Variants in RBFOX1 observed in about 807,000 individuals in gnomAD.
RBFOX1 encodes the protein RNA binding fox-1 homolog 1.
RBFOX1 carries 8 observed loss-of-function variants against 57.7 expected under a neutral mutation model. That is an observed-to-expected ratio of 0.14 (90% CI 0.08 to 0.25). RBFOX1 has a LOEUF of 0.25. Ranked by LOEUF, RBFOX1 falls within the 10% of genes least tolerant of loss-of-function variation. The probability of loss-of-function intolerance (pLI) is 1.00; values close to 1 mark genes in which losing one functional copy is unlikely to be tolerated. For missense variants in RBFOX1, 611 were observed against 548.5 expected (o/e 1.11, Z -1.14); for synonymous variants, 326 against 222.4 (o/e 1.47, Z -4.15).
chr16:7,407,416 T>C (rs1455345095), intron 4 of RBFOX1, among the ~76,000 whole-genome samples: 1 of 150,016 alleles, frequency 6.7e-6, no homozygotes, highest in Non-Finnish European at 1.5e-5. Flanking sequence ...ATGTGTGTGG[T>C]GCAGAGAAGA....
chr16:7,003,682 G>A (rs910573857), intron 3 of RBFOX1, among the ~76,000 whole-genome samples: 3 of 152,092 alleles, frequency 2.0e-5, no homozygotes, highest in Non-Finnish European at 4.4e-5. Flanking sequence ...ACATAGGAAA[G>A]CTTAGTTGAT....
chr16:6,668,091 C>G (rs926574597), intron 3 of RBFOX1, among the ~76,000 whole-genome samples: 3 of 152,134 alleles, frequency 2.0e-5, no homozygotes, highest in Admixed American at 1.3e-4. Context: ...AATTACCTGT[C>G]TAGAGTTTTG....
intron 3 of RBFOX1, among the ~76,000 whole-genome samples, chr16:5,658,565 C>T (rs1378119417): frequency 6.6e-6 from 1 of 151,918 alleles, no homozygotes; most frequent in African/African-American, 2.4e-5. Context: ...ACCCAGAGGG[C>T]ACAGAGCTTA....
intron 1 of RBFOX1, among the ~76,000 whole-genome samples, chr16:6,146,088 T>C (rs946268905): frequency 1.3e-5 from 2 of 152,170 alleles, no homozygotes; most frequent in African/African-American, 4.8e-5. Flanking sequence ...GTGTTCTAAC[T>C]ATGGTGCTTA....
At chr16:5,851,042 G>C (rs1327093217) in intron 3 of RBFOX1, among the ~76,000 whole-genome samples, 2 of 152,182 alleles carry the variant, frequency 1.3e-5, no homozygotes, top group Admixed American at 6.5e-5. Flanking sequence ...CTCCCTGTGG[G>C]AGTGCACCCC....
intron 4 of RBFOX1, among the ~76,000 whole-genome samples, chr16:7,104,831 C>T (rs1408375650): frequency 2.0e-5 from 3 of 152,142 alleles, no homozygotes; most frequent in African/African-American, 4.8e-5. Flanking sequence ...AGACAAAACA[C>T]ATTCTTCAAG....
At chr16:7,147,823 G>A (rs2075326415) in intron 4 of RBFOX1, among the ~76,000 whole-genome samples, 1 of 152,076 alleles carries the variant, frequency 6.6e-6, no homozygotes, top group Admixed American at 6.6e-5. Flanking sequence ...ATTTTTCTTT[G>A]GGCATATACC....
chr16:6,019,929 G>A lies in RBFOX1; in HGVS notation c.-190G>A. On this transcript the variant is annotated 5_prime_UTR_variant, in exon 1 of 16. Coordinates refer to ENST00000550418, the MANE Select transcript of RBFOX1 (RefSeq NM_018723.4). This position sits in a 1 kb window ranked among gnomAD's most constrained non-coding sequence, Gnocchi z 4.2. The stretch of plus-strand genomic sequence containing the variant: ...GAGTGTGGCTGGGGGTGCAGAGAGC[G>A]CACGGGAATTCGGGGGTCTGGGGCC... The A allele has an allele frequency of 2.0e-6, 3 of 1,534,710 alleles. No homozygotes were observed. Among genetic ancestry groups the A allele is most frequent in the Non-Finnish European group, 2.6e-6 (3 of 1,146,328 alleles).
intron 1 of RBFOX1, among the ~76,000 whole-genome samples, chr16:6,098,054 A>G (rs1397670038): frequency 1.3e-5 from 2 of 152,210 alleles, no homozygotes; most frequent in East Asian, 1.9e-4. Flanking sequence ...GGGTTATGCT[A>G]TTTTTCAAAG....
intron 5 of RBFOX1, among the ~76,000 whole-genome samples, chr16:7,546,199 G>A (rs1029913275): frequency 6.6e-6 from 1 of 151,912 alleles, no homozygotes; most frequent in South Asian, 2.1e-4. Flanking sequence ...TGGTGGCACG[G>A]GCCAGTAATC....
chr16:7,188,263 GA>G (rs1166873165), intron 4 of RBFOX1, among the ~76,000 whole-genome samples: 11 of 152,154 alleles, frequency 7.2e-5, no homozygotes, highest in African/African-American at 2.7e-4. Context: ...TGCAGAGATG[GA>G]AAAGTTAACA....
At chr16:6,571,605 G>A (rs1044121681) in intron 2 of RBFOX1, among the ~76,000 whole-genome samples, 3 of 152,082 alleles carry the variant, frequency 2.0e-5, no homozygotes, top group African/African-American at 7.2e-5. Flanking sequence ...TGTTTTCTAG[G>A]AATCCTTACC....
chr16:6,259,463 T>C (rs2097688481), intron 1 of RBFOX1, among the ~76,000 whole-genome samples: 1 of 152,104 alleles, frequency 6.6e-6, no homozygotes, highest in Admixed American at 6.6e-5. Flanking sequence ...CTTTCTTCTT[T>C]TAAATAAACT....
Position 7,146,158 on chromosome 16 carries a change from A to G in RBFOX1, c.27+94060A>G, listed in dbSNP as rs537880034. 4.6e-5 allele frequency among the ~76,000 whole-genome samples: 7 copies of G among 152,246 alleles called. No individual in the cohort carries two copies. The South Asian group carries it at 6.2e-4, about 14-fold the overall frequency. ...GATGAGCAATGGCACAGTGTCGTTT[A>G]CCCCAGAGCATGAACTGTTTGGTCC... On this transcript the variant is annotated intron_variant, in intron 4 of 15. Coordinates refer to ENST00000550418, the MANE Select transcript of RBFOX1 (RefSeq NM_018723.4).
At chr16:7,505,002 A>G (rs891396637) in intron 4 of RBFOX1, among the ~76,000 whole-genome samples, 1 of 150,378 alleles carries the variant, frequency 6.6e-6, no homozygotes, top group Non-Finnish European at 1.5e-5. Flanking sequence ...GGATATTCTA[A>G]TGGGGAAACT....
intron 3 of RBFOX1, among the ~76,000 whole-genome samples, chr16:6,868,185 A>G (rs892522943): frequency 2.0e-5 from 3 of 152,208 alleles, no homozygotes; most frequent in African/African-American, 7.2e-5. Flanking sequence ...GAAGTCTTTC[A>G]GTGCTACATG....
At chr16:5,864,382 G>A (rs2057297256) in intron 3 of RBFOX1, among the ~76,000 whole-genome samples, 1 of 152,146 alleles carries the variant, frequency 6.6e-6, no homozygotes, top group African/African-American at 2.4e-5. Context: ...CAGGAAAAGA[G>A]AAAGTTGCCA....
At chr16:7,255,109 G>T (rs1420362405) in intron 4 of RBFOX1, among the ~76,000 whole-genome samples, 1 of 152,056 alleles carries the variant, frequency 6.6e-6, no homozygotes, top group Admixed American at 6.5e-5. Context: ...TCCCCAATGT[G>T]CCAAAAATAA....
chr16:6,559,118 T>C lies in RBFOX1; in HGVS notation c.-63-95485T>C, dbSNP rs966046187. On this transcript the variant is annotated intron_variant, in intron 2 of 15. Transcript: ENST00000550418. ...TCCAGTTTATATATACATATGTGTG[T>C]GTGTGTGTGTGTGTGTATATACATA... Among the ~76,000 whole-genome samples the C allele has an allele frequency of 3.1e-5, 4 of 129,086 alleles. No homozygotes were observed. The South Asian group carries it at 6.5e-4, about 21-fold the overall frequency. The allele number at this position is 129,086 out of a possible 152,430, so 84.7% of individuals were successfully genotyped here.
Sources: gnomAD v4.1 joint callset for allele counts (sites outside exome capture counted in the v4.1 genomes callset) on GRCh38, gnomAD v4.1.1 for gene constraint, Gnocchi (gnomAD v3.1) non-coding constraint, MANE v1.5 for transcripts, NCBI Gene and HGNC (gene_info 2026-07-23, HGNC 2026-07-21) for gene names.